Variants in ARMC2 observed in about 807,000 individuals in gnomAD.
ARMC2 encodes armadillo repeat-containing protein 2.
A neutral mutation model predicts 90.3 loss-of-function variants in ARMC2; 67 were observed. That is an observed-to-expected ratio of 0.74 (90% CI 0.61 to 0.91). ARMC2 has a LOEUF of 0.91. ARMC2 is among the 40% of genes least tolerant of loss of function. The pLI is 0.00. For missense variants in ARMC2, 920 were observed against 1,030.9 expected (o/e 0.89, Z 1.47); for synonymous variants, 393 against 393.0 (o/e 1.00, Z 0.00).
At chr6:108,852,482 C>A (rs1423841708) in intron 1 of ARMC2, among the ~76,000 whole-genome samples, 2 of 152,146 alleles carry the variant, frequency 1.3e-5, no homozygotes, top group Non-Finnish European at 2.9e-5. Flanking sequence ...AGTATTTGGT[C>A]AGTCTAAATT....
At chr6:108,967,109 C>G (rs1042706443) in intron 17 of ARMC2, among the ~76,000 whole-genome samples, 1 of 152,180 alleles carries the variant, frequency 6.6e-6, no homozygotes, top group Non-Finnish European at 1.5e-5. Context: ...GGAAAGAATT[C>G]TCTCCCCACT....
chr6:109,039,048 G>T, the ARMC2 span, among the ~76,000 whole-genome samples: 33 of 147,096 alleles, frequency 2.2e-4, no homozygotes, highest in Non-Finnish European at 5.0e-4. Context: ...AAGAAGGAGG[G>T]AGAAGGAGAA....
the ARMC2 span, among the ~76,000 whole-genome samples, chr6:109,018,579 T>A: frequency 6.6e-6 from 1 of 152,212 alleles, no homozygotes; most frequent in Non-Finnish European, 1.5e-5. Context: ...AGGAACAGAT[T>A]GCACATCCCA....
At chr6:108,985,612 A>G in the ARMC2 span, among the ~76,000 whole-genome samples, 13 of 152,332 alleles carry the variant, frequency 8.5e-5, no homozygotes, top group Admixed American at 7.2e-4. Context: ...TCAATTTCTA[A>G]GTGATTATAA....
intron 5 of ARMC2, among the ~76,000 whole-genome samples, chr6:108,881,289 T>G (rs1029896812): frequency 1.1e-4 from 2 of 17,606 alleles, no homozygotes; most frequent in East Asian, 1.7e-3. Context: ...TCCCCTCCCC[T>G]CCCCTCCCCT....
At chr6:109,010,692 T>G in the ARMC2 span, among the ~76,000 whole-genome samples, 1 of 152,228 alleles carries the variant, frequency 6.6e-6, no homozygotes, top group Non-Finnish European at 1.5e-5. Flanking sequence ...ATACTGCTTT[T>G]AAAAAATAGC....
intron 6 of ARMC2, among the ~76,000 whole-genome samples, chr6:108,899,101 T>A (rs1379254979): frequency 6.6e-6 from 1 of 152,188 alleles, no homozygotes; most frequent in Non-Finnish European, 1.5e-5. Context: ...AAACAGAGAC[T>A]CAGGAAGGAT....
the ARMC2 span, among the ~76,000 whole-genome samples, chr6:109,052,708 T>C: frequency 6.6e-6 from 1 of 152,248 alleles, no homozygotes; most frequent in Admixed American, 6.5e-5. Flanking sequence ...GTCATTGATA[T>C]TGAATTTGTG....
At chr6:109,007,106 A>T in the ARMC2 span, among the ~76,000 whole-genome samples, 3 of 152,232 alleles carry the variant, frequency 2.0e-5, no homozygotes, top group African/African-American at 7.2e-5. Flanking sequence ...TCTTTGAAAG[A>T]GACAACAAGT....
chr6:109,016,186 G>C, the ARMC2 span, among the ~76,000 whole-genome samples: 1 of 152,140 alleles, frequency 6.6e-6, no homozygotes, highest in South Asian at 2.1e-4. Context: ...TAAATGCTTT[G>C]TTTATACTAA....
At chr6:108,977,033 T>A (rs936631547), downstream of ARMC2, among the ~76,000 whole-genome samples, 2 of 152,186 alleles carry the variant, frequency 1.3e-5, no homozygotes, top group Non-Finnish European at 2.9e-5. Flanking sequence ...GAACTTCCAA[T>A]ACTATGTTGA....
At chr6:109,050,623 T>C in the ARMC2 span, among the ~76,000 whole-genome samples, 1,865 of 152,256 alleles carry the variant, frequency 0.012, 28 homozygotes, top group Non-Finnish European at 0.018. Flanking sequence ...TCTATACAAA[T>C]GGGCAGGCAG....
chr6:109,003,739 G>T, the ARMC2 span, among the ~76,000 whole-genome samples: 7 of 152,062 alleles, frequency 4.6e-5, no homozygotes, highest in Non-Finnish European at 7.4e-5. Context: ...GAATGCCAGA[G>T]GACATCCCTG....
intron 13 of ARMC2, among the ~76,000 whole-genome samples, chr6:108,953,997 C>T (rs777405305): frequency 4.6e-5 from 7 of 152,188 alleles, no homozygotes; most frequent in Non-Finnish European, 1.0e-4. Context: ...GGCCTGCAGA[C>T]AGCCACCTAC....
At chr6:108,989,505 CTATATA>C in the ARMC2 span, among the ~76,000 whole-genome samples, 4 of 145,968 alleles carry the variant, frequency 2.7e-5, no homozygotes, top group South Asian at 2.2e-4. Flanking sequence ...CTAGAGATAT[CTATATA>C]TATATAGAGA....
the ARMC2 span, among the ~76,000 whole-genome samples, chr6:108,989,126 C>T: frequency 1.2e-3 from 186 of 152,156 alleles, 1 homozygote; most frequent in African/African-American, 4.0e-3. Context: ...CCTCAGCCTC[C>T]CGAGAAGCTA....
chr6:108,914,398 T>C (rs1773745708), intron 10 of ARMC2, among the ~76,000 whole-genome samples: 1 of 152,124 alleles, frequency 6.6e-6, no homozygotes, highest in Non-Finnish European at 1.5e-5. Flanking sequence ...CTGACATTTG[T>C]GTCCCCCCAC....
Position 108,880,450 on chromosome 6 carries a change from A to G in ARMC2, c.671+4100A>G, listed in dbSNP as rs77346176. On this transcript the variant is annotated intron_variant, in intron 5 of 17. Coordinates refer to ENST00000392644, the MANE Select transcript of ARMC2 (RefSeq NM_032131.6). ...CCTTTGGGGAAAGTGCTCTTTCTCC[A>G]GGTTCACAAACTATAAAGATGATGT... is the stretch of plus-strand genomic sequence containing the variant. Among the ~76,000 whole-genome samples the G allele has an allele frequency of 4.2e-3, 640 of 152,326 alleles. 3 individuals carry two copies. The highest frequency in any genetic ancestry group is 0.014 in the African/African-American group (600 of 41,570).
At chr6:109,024,045 A>T in the ARMC2 span, among the ~76,000 whole-genome samples, 1 of 152,126 alleles carries the variant, frequency 6.6e-6, no homozygotes, top group Non-Finnish European at 1.5e-5. Flanking sequence ...ATAGATGTTG[A>T]CTATTGATAT....
Sources: gnomAD v4.1 joint callset for allele counts (sites outside exome capture counted in the v4.1 genomes callset) on GRCh38, gnomAD v4.1.1 for gene constraint, MANE v1.5 for transcripts, NCBI Gene and HGNC (gene_info 2026-07-23, HGNC 2026-07-21) for gene names.